Variants in CBFA2T3 observed in about 807,000 individuals in gnomAD.
CBFA2T3 encodes the protein CBFA2/RUNX1 partner transcriptional co-repressor 3, also known as transcriptional corepressor CBFA2T3.
In CBFA2T3, 31 loss-of-function variants were observed where a neutral mutation model predicts 58.6. That is an observed-to-expected ratio of 0.53 (90% CI 0.40 to 0.71). CBFA2T3 has a LOEUF of 0.71. CBFA2T3 is among the 30% of genes least tolerant of loss of function. The pLI, the probability that CBFA2T3 is intolerant of heterozygous loss-of-function variation, is 0.00. For synonymous variants in CBFA2T3, 531 were observed against 421.9 expected (o/e 1.26, Z -3.17); for missense variants, 1,076 against 963.1 (o/e 1.12, Z -1.55).
chr16:88,968,815 G>A (rs965970254), intron 1 of CBFA2T3, among the ~76,000 whole-genome samples: 3 of 152,210 alleles, frequency 2.0e-5, no homozygotes, highest in African/African-American at 7.2e-5. Context: ...GCACGGAGGG[G>A]TGTGCGGTCA....
At chr16:88,907,321 G>C (rs560248013) in intron 1 of CBFA2T3, among the ~76,000 whole-genome samples, 1 of 151,984 alleles carries the variant, frequency 6.6e-6, no homozygotes, top group South Asian at 2.1e-4. Flanking sequence ...GCCTACACAA[G>C]TATCCTAACC....
chr16:88,881,159 A>G (rs765651074), intron 9 of CBFA2T3, 132 bp downstream of exon 9: 5 of 858,038 alleles, frequency 5.8e-6, no homozygotes, highest in Non-Finnish European at 9.6e-6. Flanking sequence ...CTACAAAGTG[A>G]AAAAGGTGCC....
intron 7 of CBFA2T3, chr16:88,883,927 G>T (rs12149609): frequency 0.25 from 38,236 of 152,234 alleles, 5,186 homozygotes; most frequent in East Asian, 0.47. Context: ...TCTCCCTCTT[G>T]GGGCCCTTTT....
intron 1 of CBFA2T3, among the ~76,000 whole-genome samples, chr16:88,915,626 G>A (rs1970686501): frequency 1.9e-5 from 1 of 52,702 alleles, no homozygotes; most frequent in South Asian, 8.0e-4. Flanking sequence ...GCGTGGAGGG[G>A]GGAGTGTGGA....
At chr16:88,943,036 A>G in intron 1 of CBFA2T3, among the ~76,000 whole-genome samples, 1 of 151,066 alleles carries the variant, frequency 6.6e-6, no homozygotes, top group East Asian at 1.9e-4. Context: ...TCTGAGGCAC[A>G]GTGGATTTTA....
chr16:88,948,328 A>G (rs1971959379), intron 1 of CBFA2T3, among the ~76,000 whole-genome samples: 1 of 152,242 alleles, frequency 6.6e-6, no homozygotes, highest in African/African-American at 2.4e-5. Flanking sequence ...GCTGGGGGCA[A>G]GGCACCAGGC....
intron 1 of CBFA2T3, chr16:88,951,413 G>T: frequency 2.3e-6 from 1 of 435,384 alleles, no homozygotes; most frequent in Middle Eastern, 3.4e-4. Flanking sequence ...ATCATTAGCT[G>T]CGTCTTATTT....
chr16:88,881,640 C>T (rs1969087326), intron 8 of CBFA2T3, 151 bp from the exon 9 acceptor site: 1 of 732,200 alleles, frequency 1.4e-6, no homozygotes, highest in Non-Finnish European at 2.2e-6. Context: ...GGCCCACCTC[C>T]ATGGCTTGCA....
intron 1 of CBFA2T3, among the ~76,000 whole-genome samples, chr16:88,935,022 A>G (rs11864991): frequency 0.34 from 51,967 of 151,990 alleles, 9,166 homozygotes; most frequent in Middle Eastern, 0.54. Context: ...TTACAGGCGT[A>G]AGCCACCGTG....
rs1567574027 is a variant in CBFA2T3, at chr16:88,881,363, T to C, written c.1330A>G (p.Thr444Ala). 1 of 1,586,362 alleles carries C rather than the reference T, an allele frequency of 6.3e-7. No homozygotes were observed. The change falls in exon 9 of 12, where the codon ACA becomes GCA. Residue 444 changes from threonine to alanine, a missense_variant. Physicochemically the swap from Thr to Ala is moderately conservative, Grantham distance 58. Transcript: ENST00000268679. ...GCGGCGGGAGCGGGGCCCTTCTTTG[T>C]GTCCTCGGCGTCGCTGTAGCGCCGC... ...WARRYSDAED[T>A]KKGPAPAAAR...
chr16:88,970,296 G>T (rs1399016711), intron 1 of CBFA2T3, among the ~76,000 whole-genome samples: 1 of 152,208 alleles, frequency 6.6e-6, no homozygotes, highest in Non-Finnish European at 1.5e-5. Flanking sequence ...CCTGCGTGGG[G>T]CTTCCTCAGG....
At chr16:88,884,993 C>A in intron 7 of CBFA2T3, 53 bp downstream of exon 7, 2 of 1,372,368 alleles carry the variant, frequency 1.5e-6, no homozygotes, top group Admixed American at 3.9e-5. Flanking sequence ...CATGTGGGCG[C>A]ATGTGTGCTC....
chr16:88,907,220 T>C (rs1002073476), intron 1 of CBFA2T3, among the ~76,000 whole-genome samples: 1 of 151,996 alleles, frequency 6.6e-6, no homozygotes, highest in Non-Finnish European at 1.5e-5. Context: ...GAAGAAAGCA[T>C]GGAATTTGGG....
At chr16:88,902,510 C>CT (rs1441506289) in intron 1 of CBFA2T3, 3 of 152,238 alleles carry the variant, frequency 2.0e-5, no homozygotes, top group African/African-American at 7.2e-5. Flanking sequence ...GCTCAAGGCG[C>CT]TGGTGGGCCG....
chr16:88,971,813 A>G (rs1432212837), intron 1 of CBFA2T3, among the ~76,000 whole-genome samples: 1 of 152,174 alleles, frequency 6.6e-6, no homozygotes, highest in Non-Finnish European at 1.5e-5. Flanking sequence ...GCTGTGACCA[A>G]TCGGCCTCTC....
In CBFA2T3 at chr16:88,905,770, A is replaced by C. The variant is rs1307271786; in HGVS notation, c.152-4114T>G. 8.6e-5 allele frequency among the ~76,000 whole-genome samples: 5 copies of C among 58,218 alleles called. No homozygotes were observed. The South Asian group carries it at 2.5e-3, about 29-fold the overall frequency. The allele number at this position is 58,218 out of a possible 152,430, so 38.2% of individuals were successfully genotyped here. A position where few individuals can be genotyped will look rare whatever the true frequency, so the allele number is the denominator to read the frequency against. ...GGGGCGGGGCTGAAGGACGGTGGGG[A>C]TGAGGGGGCGGGGCTGAGAGCTAGT... On this transcript the variant is annotated intron_variant, in intron 1 of 11. Coordinates refer to ENST00000268679, the MANE Select transcript of CBFA2T3 (RefSeq NM_005187.6).
intron 10 of CBFA2T3, among the ~76,000 whole-genome samples, chr16:88,880,283 C>T (rs917314530): frequency 1.3e-5 from 2 of 152,194 alleles, no homozygotes; most frequent in Non-Finnish European, 2.9e-5. Flanking sequence ...ACATATCTGG[C>T]TCTGCCCCAG....
intron 1 of CBFA2T3, among the ~76,000 whole-genome samples, chr16:88,921,512 C>T (rs1001798846): frequency 1.4e-5 from 2 of 146,494 alleles, no homozygotes; most frequent in Admixed American, 1.4e-4. Flanking sequence ...CGGGATCTCC[C>T]TGGGTGGGGT....
intron 1 of CBFA2T3, among the ~76,000 whole-genome samples, chr16:88,928,325 T>TG (rs915754769): frequency 5.9e-5 from 9 of 152,154 alleles, no homozygotes; most frequent in South Asian, 2.1e-4. Flanking sequence ...TCCCTGGCCT[T>TG]GGGGGCCGAT....
Sources: gnomAD v4.1 joint callset for allele counts (sites outside exome capture counted in the v4.1 genomes callset) on GRCh38, gnomAD v4.1.1 for gene constraint, MANE v1.5 for transcripts, NCBI Gene and HGNC (gene_info 2026-07-23, HGNC 2026-07-21) for gene names.